Variants in SCARB1 observed in about 807,000 individuals in gnomAD.
SCARB1 encodes CD36 and LIMPII analogous 1.
SCARB1 carries 30 observed loss-of-function variants against 57.2 expected under a neutral mutation model. That is an observed-to-expected ratio of 0.52 (90% CI 0.39 to 0.71). SCARB1 has a LOEUF of 0.71. SCARB1 is among the 30% of genes least tolerant of loss of function. The pLI, the probability that SCARB1 is intolerant of heterozygous loss-of-function variation, is 0.00. For missense variants in SCARB1, 543 were observed against 671.2 expected, an observed-to-expected ratio of 0.81 and a Z score of 2.11; for synonymous variants, 249 against 268.3, an observed-to-expected ratio of 0.93 and a Z score of 0.70.
In SCARB1 at chr12:124,807,795, C is replaced by T; in HGVS notation, c.975G>A (p.Glu325=). The T allele has an allele frequency of 6.2e-7, 1 of 1,614,180 alleles. No individual in the cohort carries two copies. The highest frequency in any genetic ancestry group is 8.5e-7 in the Non-Finnish European group (1 of 1,180,030). The change falls in exon 7 of 13, where the codon GAG becomes GAA. Residue 325 remains glutamate (E), a synonymous_variant. Transcript: ENST00000261693. The surrounding 1 kb of genome is among the most constrained non-coding windows in gnomAD (Gnocchi z 5.3). ...PPNEGFCPCL[E]SGIQNVSTCR... ...AGGTGCTGACGTTCTGAATTCCAGA[C>T]TCCAGGCACGGGCAGAAGCCTTCGT...
intron 12 of SCARB1, among the ~76,000 whole-genome samples, chr12:124,779,477 G>T (rs1045186155): frequency 2.0e-5 from 3 of 152,150 alleles, no homozygotes; most frequent in African/African-American, 7.2e-5. Context: ...GGCGCAGGAC[G>T]TGGGGAGGGG....
intron 1 of SCARB1, among the ~76,000 whole-genome samples, chr12:124,848,753 T>G (rs1175501897): frequency 6.6e-6 from 1 of 152,222 alleles, no homozygotes; most frequent in African/African-American, 2.4e-5. Context: ...GTGGAGCGTT[T>G]CCAGGCATCT....
rs140874752 is a variant in SCARB1 at position 124,793,945 on chromosome 12, C to G, written c.1202+1250G>C. Among the ~76,000 whole-genome samples, 3 of 152,290 alleles carry G rather than the reference C, an allele frequency of 2.0e-5. No homozygotes were observed. In the East Asian group the frequency reaches 5.8e-4, roughly 29 times the overall value. On this transcript the variant is annotated intron_variant, in intron 9 of 12. Coordinates refer to ENST00000261693, the MANE Select transcript of SCARB1 (RefSeq NM_005505.5). ...CAACCGATAAATAAATGTGGTCTAT[C>G]CAGACAATGGAATATTATCCAGCCA...
At chr12:124,791,881 G>A (rs1949745444) in intron 9 of SCARB1, among the ~76,000 whole-genome samples, 1 of 151,800 alleles carries the variant, frequency 6.6e-6, no homozygotes, top group South Asian at 2.1e-4. Flanking sequence ...GCTTGAACCC[G>A]AGGCGGAGGT....
Position 124,777,480 on chromosome 12 carries a change from G to A in SCARB1, c.*1107C>T, listed in dbSNP as rs986738512. ...ACAAGGTTGAAATTTGAAAACAACA[G>A]GAAGGTAAGCCAGCAGCCCGGCCCT... On this transcript the variant is annotated 3_prime_UTR_variant, in exon 13 of 13. Transcript: ENST00000261693. The A allele has an allele frequency of 1.1e-4, 17 of 152,134 alleles. No individual in the cohort carries two copies. Among genetic ancestry groups the A allele is most frequent in the African/African-American group, 4.1e-4 (17 of 41,426 alleles). The allele number at this position is 152,134 out of a possible 1,614,324, so 9.4% of individuals were successfully genotyped here. A position where few individuals can be genotyped will look rare whatever the true frequency, so the allele number is the denominator to read the frequency against.
chr12:124,800,668 G>A lies in SCARB1; in HGVS notation c.1010-426C>T, dbSNP rs151177926. ...GGGTGTGGGGAGGGGAGTCTCAAGC[G>A]CAAGCCAAGCAGCCCACACTGTCCC... On this transcript the variant is annotated intron_variant, in intron 7 of 12. Coordinates refer to ENST00000261693, the MANE Select transcript of SCARB1 (RefSeq NM_005505.5). This position sits in a 1 kb window ranked among gnomAD's most constrained non-coding sequence, Gnocchi z 4.8. Among the ~76,000 whole-genome samples, 1 of 152,280 alleles carries A rather than the reference G, an allele frequency of 6.6e-6. No individual in the cohort carries two copies. Among genetic ancestry groups the A allele is most frequent in the Non-Finnish European group, 1.5e-5 (1 of 68,012 alleles).
intron 7 of SCARB1, among the ~76,000 whole-genome samples, chr12:124,805,638 C>A (rs1950295418): frequency 6.6e-6 from 1 of 151,850 alleles, no homozygotes; most frequent in African/African-American, 2.4e-5. Flanking sequence ...CAGCTCACTG[C>A]AGCCTTGACC....
Position 124,782,774 on chromosome 12 carries a change from C to A in SCARB1, c.1439G>T (p.Gly480Val), listed in dbSNP as rs749633497. 11 of 1,613,550 alleles carry A rather than the reference C, an allele frequency of 6.8e-6. No individual in the cohort carries two copies. The East Asian group carries it at 1.8e-4, about 26-fold the overall frequency. The change falls in exon 12 of 13, where the codon GGC (glycine) becomes GTC (valine). Residue 480 changes from glycine (G) to valine (V), a missense_variant. Transcript: ENST00000261693. Reference protein sequence around the residue: ...CYLFWSSSKKGSKDKEAIQAY... With the variant: ...CYLFWSSSKKVSKDKEAIQAY... ...CTGAATGGCCTCCTTATCCTTTGAG[C>A]CCTTTTTACTACTACTCCAAAATAA...
intron 9 of SCARB1, among the ~76,000 whole-genome samples, chr12:124,792,721 CAAAAAAAAAAAAA>C (rs930596389): frequency 1.6e-4 from 5 of 31,738 alleles, no homozygotes; most frequent in Admixed American, 8.8e-4. Flanking sequence ...GACTTCGTCT[CAAAAAAAAAAAAA>C]AAAAAAAAAA....
At chr12:124,779,214 G>T (rs569965204) in intron 12 of SCARB1, among the ~76,000 whole-genome samples, 2 of 152,168 alleles carry the variant, frequency 1.3e-5, no homozygotes, top group Admixed American at 1.3e-4. Flanking sequence ...CTCCCAAAGC[G>T]CTGGGATTCC....
Position 124,863,864 on chromosome 12 carries a change from G to C in SCARB1, c.-144C>G, listed in dbSNP as rs1326441446. On this transcript the variant is annotated 5_prime_UTR_variant, in exon 1 of 13. Coordinates refer to ENST00000261693, the MANE Select transcript of SCARB1 (RefSeq NM_005505.5). ...GGATCCGGGACGGCAGCGCACGCAGGAGCAGCCCGGCAGGTGGCCAGTGGT... is the reference window on the plus strand; with the variant it reads ...GGATCCGGGACGGCAGCGCACGCAGCAGCAGCCCGGCAGGTGGCCAGTGGT... The C allele has an allele frequency of 4.6e-6, 5 of 1,078,758 alleles. No individual in the cohort carries two copies. The highest frequency in any genetic ancestry group is 6.1e-6 in the Non-Finnish European group (5 of 818,066). The allele number at this position is 1,078,758 out of a possible 1,614,324, so 66.8% of individuals were successfully genotyped here.
intron 7 of SCARB1, among the ~76,000 whole-genome samples, chr12:124,803,707 AAAAAAAAAT>A (rs1408860761): frequency 2.4e-4 from 35 of 146,742 alleles, no homozygotes; most frequent in Admixed American, 4.7e-4. Flanking sequence ...AAAAAAAAAA[AAAAAAAAAT>A]TGAAATAAGA....
intron 9 of SCARB1, among the ~76,000 whole-genome samples, chr12:124,790,292 C>T (rs1257234247): frequency 4.6e-5 from 7 of 152,146 alleles, no homozygotes; most frequent in South Asian, 2.1e-4. Context: ...GTGGGAGGAT[C>T]GCCTAAGCCC....
chr12:124,813,558 C>G (rs747833357), intron 4 of SCARB1, among the ~76,000 whole-genome samples: 5 of 152,196 alleles, frequency 3.3e-5, no homozygotes, highest in Non-Finnish European at 7.3e-5. Context: ...CTTTCATTTG[C>G]AAAGCACTTC....
chr12:124,780,655 G>A (rs921919), intron 12 of SCARB1, among the ~76,000 whole-genome samples: 73,429 of 152,178 alleles, frequency 0.48, 21,735 homozygotes, highest in Non-Finnish European at 0.66. Flanking sequence ...CAGGGCAGGA[G>A]GGTCTTTTCA....
rs184108350 is a variant in SCARB1 at position 124,807,547 on chromosome 12, C to T, written c.1009+214G>A. ...ATAACCAGTGTGTGTTGTTCTAAGC[C>T]CTGAAGTTCATGGCAATATATTGTG... On this transcript the variant is annotated intron_variant, in intron 7 of 12. Coordinates refer to ENST00000261693, the MANE Select transcript of SCARB1 (RefSeq NM_005505.5). The surrounding 1 kb of genome is among the most constrained non-coding windows in gnomAD (Gnocchi z 5.3). 2.6e-5 allele frequency among the ~76,000 whole-genome samples: 4 copies of T among 152,286 alleles called. No individual in the cohort carries two copies. The highest frequency in any genetic ancestry group is 2.1e-4 in the South Asian group (1 of 4,824).
chr12:124,783,967 G>A (rs1431954011), intron 11 of SCARB1: 1 of 152,214 alleles, frequency 6.6e-6, no homozygotes, highest in East Asian at 1.9e-4. Flanking sequence ...TTTGGGGGCT[G>A]CGGCAGGGAA....
In SCARB1 at chr12:124,814,187, C is replaced by T. The variant is rs138600805; in HGVS notation, c.630+15G>A. 5.7e-4 allele frequency: 913 copies of T among 1,612,690 alleles called. 14 individuals carry two copies. The East Asian group carries it at 0.014, about 25-fold the overall frequency. On this transcript the variant is annotated intron_variant, in intron 4 of 12. Transcript: ENST00000261693. This position sits in a 1 kb window ranked among gnomAD's most constrained non-coding sequence, Gnocchi z 4.7. ...ACAGGCCTGAATCTTTGGCTTCTCA[C>T]CAGGCCACACGTACCTCAGCAAATA...
Position 124,788,795 on chromosome 12 carries a change from C to T in SCARB1, c.1203-1338G>A, listed in dbSNP as rs532566838. ...TACCTCACGACCCAGCAATTACGCT[C>T]TTCAGAAACTGCCCTAGAGATGCTC... On this transcript the variant is annotated intron_variant, in intron 9 of 12. Transcript: ENST00000261693. Among the ~76,000 whole-genome samples the T allele has an allele frequency of 6.6e-5, 10 of 152,334 alleles. No individual in the cohort carries two copies. The South Asian group carries it at 1.4e-3, about 22-fold the overall frequency.
Sources: allele counts gnomAD v4.1 joint callset (sites outside exome capture counted in the v4.1 genomes callset), GRCh38; gene constraint gnomAD v4.1.1; non-coding constraint Gnocchi (gnomAD v3.1); transcripts MANE v1.5; gene names NCBI Gene and HGNC (gene_info 2026-07-23, HGNC 2026-07-21).